The following FSTL4 variants were observed in gnomAD, a reference collection of about 807,000 sequenced individuals.
FSTL4 encodes the protein follistatin-related protein 4.
FSTL4 carries 28 observed loss-of-function variants against 78.2 expected under a neutral mutation model. That is an observed-to-expected ratio of 0.36 (90% CI 0.27 to 0.49). The LOEUF (loss-of-function observed/expected upper bound fraction) is 0.49, where lower values mean the gene tolerates loss of function less well. FSTL4 is among the 20% of genes least tolerant of loss of function. FSTL4 has a pLI of 0.98. For synonymous variants in FSTL4, 422 were observed against 440.5 expected, an observed-to-expected ratio of 0.96 and a Z score of 0.53; for missense variants, 922 against 1,084.9, an observed-to-expected ratio of 0.85 and a Z score of 2.11.
the FSTL4 span, among the ~76,000 whole-genome samples, chr5:133,786,462 G>T: frequency 6.6e-6 from 1 of 152,136 alleles, no homozygotes; most frequent in Admixed American, 6.5e-5. Flanking sequence ...AATGATCTAT[G>T]TCCTCGTATA....
chr5:133,814,566 G>A, the FSTL4 span, among the ~76,000 whole-genome samples: 1 of 152,152 alleles, frequency 6.6e-6, no homozygotes, highest in Admixed American at 6.5e-5. Context: ...TTGGTGTTCT[G>A]GAGAGAAAAG....
intron 6 of FSTL4, among the ~76,000 whole-genome samples, chr5:133,272,940 A>G (rs1424998033): frequency 1.3e-5 from 2 of 152,260 alleles, no homozygotes; most frequent in Non-Finnish European, 2.9e-5. Flanking sequence ...TTTGTCATAG[A>G]ACAGCCCTTC....
chr5:133,483,089 AT>A (rs2112860234), intron 3 of FSTL4, among the ~76,000 whole-genome samples: 1 of 152,224 alleles, frequency 6.6e-6, no homozygotes, highest in East Asian at 1.9e-4. Flanking sequence ...TGCTGTTCTC[AT>A]GATAGTGAAT....
upstream of FSTL4, among the ~76,000 whole-genome samples, chr5:133,615,606 C>T (rs181556061): frequency 6.6e-6 from 1 of 152,162 alleles, no homozygotes; most frequent in African/African-American, 2.4e-5. Context: ...TTCAGTTATT[C>T]TGATCTAAAC....
chr5:133,835,125 C>T, the FSTL4 span, among the ~76,000 whole-genome samples: 1 of 152,196 alleles, frequency 6.6e-6, no homozygotes, highest in African/African-American at 2.4e-5. Context: ...AAGACAGCAA[C>T]CTCCATGGTC....
intron 3 of FSTL4, among the ~76,000 whole-genome samples, chr5:133,497,658 T>C (rs1758396723): frequency 1.3e-5 from 2 of 152,292 alleles, no homozygotes; most frequent in South Asian, 4.1e-4. Context: ...TTGGAGTCTA[T>C]GATGCATAGA....
At chr5:133,270,165 T>C (rs572282130) in intron 6 of FSTL4, 3 of 152,298 alleles carry the variant, frequency 2.0e-5, no homozygotes, top group African/African-American at 4.8e-5. Flanking sequence ...AGAATGAACA[T>C]TGATCCCAGG....
At chr5:133,802,285 G>C in the FSTL4 span, among the ~76,000 whole-genome samples, 2 of 152,186 alleles carry the variant, frequency 1.3e-5, no homozygotes, top group Admixed American at 1.3e-4. Flanking sequence ...GAGGTTGATG[G>C]GAACTAAGGA....
chr5:133,742,115 C>T, the FSTL4 span, among the ~76,000 whole-genome samples: 1 of 152,256 alleles, frequency 6.6e-6, no homozygotes, highest in Non-Finnish European at 1.5e-5. Flanking sequence ...CCCCTGCACC[C>T]TCTTACCCTT....
In FSTL4 at chr5:133,400,970, G is replaced by A. The variant is rs370273827; in HGVS notation, c.177C>T (p.Asn59=). 81 of 1,613,026 alleles carry A rather than the reference G, an allele frequency of 5.0e-5. No individual in the cohort carries two copies. Among genetic ancestry groups the A allele is most frequent in the South Asian group, 6.6e-5 (6 of 91,080 alleles). The change falls in exon 4 of 16, where the codon AAC becomes AAT. Residue 59 remains asparagine, a synonymous_variant. Coordinates refer to ENST00000265342, the MANE Select transcript of FSTL4 (RefSeq NM_015082.2). ...VTRREGLSSH[N]ELLASCGKKF... The stretch of plus-strand genomic sequence containing the variant: ...TCTTCCCGCAGGAGGCCAGCAGCTC[G>A]TTGTGGCTGGAAAGCCCTGCCAGAC...
At chr5:133,418,755 T>C (rs1343915993) in intron 3 of FSTL4, among the ~76,000 whole-genome samples, 1 of 152,214 alleles carries the variant, frequency 6.6e-6, no homozygotes, top group Non-Finnish European at 1.5e-5. Flanking sequence ...TTCATTGAAG[T>C]ATAATTGACA....
the FSTL4 span, among the ~76,000 whole-genome samples, chr5:133,716,139 G>A: frequency 4.6e-5 from 7 of 152,270 alleles, no homozygotes; most frequent in South Asian, 8.3e-4. Context: ...TGGAAGAATC[G>A]TTGGAAGAAG....
chr5:133,542,677 G>A (rs1759500617), intron 3 of FSTL4, among the ~76,000 whole-genome samples: 1 of 152,028 alleles, frequency 6.6e-6, no homozygotes, highest in African/African-American at 2.4e-5. Context: ...AAGTGAGTTT[G>A]GACAAATTTT....
intron 6 of FSTL4, among the ~76,000 whole-genome samples, chr5:133,274,392 T>TTC (rs1399810387): frequency 2.0e-5 from 3 of 149,086 alleles, no homozygotes; most frequent in Non-Finnish European, 4.5e-5. Context: ...TTTTTTTTTT[T>TTC]TTTTAGGAGA....
At chr5:133,280,824 C>T (rs1752991851) in intron 6 of FSTL4, among the ~76,000 whole-genome samples, 1 of 152,192 alleles carries the variant, frequency 6.6e-6, no homozygotes, top group African/African-American at 2.4e-5. Flanking sequence ...CAGCAAGCGC[C>T]TCCCTGTCTC....
At chr5:133,516,273 A>G (rs1235308169) in intron 3 of FSTL4, among the ~76,000 whole-genome samples, 1 of 152,190 alleles carries the variant, frequency 6.6e-6, no homozygotes, top group Non-Finnish European at 1.5e-5. Flanking sequence ...GAAGAGGAGA[A>G]AATTATCATA....
At chr5:133,534,441 T>C (rs1050640960) in intron 3 of FSTL4, among the ~76,000 whole-genome samples, 1 of 152,220 alleles carries the variant, frequency 6.6e-6, no homozygotes, top group Non-Finnish European at 1.5e-5. Flanking sequence ...ACTACAGTAA[T>C]GAATTCCTTA....
At chr5:133,741,313 C>T in the FSTL4 span, among the ~76,000 whole-genome samples, 1 of 152,214 alleles carries the variant, frequency 6.6e-6, no homozygotes, top group African/African-American at 2.4e-5. Flanking sequence ...GGCATGGTTG[C>T]AGCTGGAGTC....
chr5:133,489,628 G>C (rs753065398), intron 3 of FSTL4, among the ~76,000 whole-genome samples: 1 of 152,138 alleles, frequency 6.6e-6, no homozygotes, highest in Non-Finnish European at 1.5e-5. Context: ...AGTTCTGGTG[G>C]AGGAAAGTTC....
Sources: gnomAD v4.1 joint callset for allele counts (sites outside exome capture counted in the v4.1 genomes callset) on GRCh38, gnomAD v4.1.1 for gene constraint, MANE v1.5 for transcripts, NCBI Gene and HGNC (gene_info 2026-07-23, HGNC 2026-07-21) for gene names.